Variants in ATL1 observed in about 807,000 individuals in gnomAD.
ATL1 encodes atlastin-1.
Under a neutral mutation model 75.5 loss-of-function variants are expected in ATL1, and 31 were observed. That is an observed-to-expected ratio of 0.41 (90% CI 0.31 to 0.55). ATL1 has a LOEUF of 0.55. Ranked by LOEUF, ATL1 falls within the 20% of genes least tolerant of loss-of-function variation. The pLI is 0.27. For missense variants in ATL1, 405 were observed against 662.6 expected (o/e 0.61, Z 4.27); for synonymous variants, 226 against 233.3 (o/e 0.97, Z 0.28).
chr14:50,560,725 AC>A lies in ATL1; in HGVS notation c.34+432del, dbSNP rs573424305. 9.4e-3 allele frequency among the ~76,000 whole-genome samples: 1,424 copies of A among 151,742 alleles called. 6 individuals carry two copies. Among genetic ancestry groups the A allele is most frequent in the Middle Eastern group, 0.017 (5 of 294 alleles). Reference sequence around the variant, plus strand: ...GGGATCTAGAGCAGGCCAAGCCCCAACCCCCCTCCCCGGGAGCCGCCAACTC... The same window carrying A: ...GGGATCTAGAGCAGGCCAAGCCCCAACCCCCTCCCCGGGAGCCGCCAACTC... On this transcript the variant is annotated intron_variant, in intron 1 of 13. Transcript: ENST00000358385.
At chr14:50,593,547 TGGAAG>T (rs1201982591) in intron 4 of ATL1, among the ~76,000 whole-genome samples, 1 of 152,224 alleles carries the variant, frequency 6.6e-6, no homozygotes, top group East Asian at 1.9e-4. Context: ...TTGTCTTGCT[TGGAAG>T]AATGAGTTTT....
intron 1 of ATL1, among the ~76,000 whole-genome samples, chr14:50,550,047 A>G (rs2140158475): frequency 6.6e-6 from 1 of 152,312 alleles, no homozygotes; most frequent in South Asian, 2.1e-4. Flanking sequence ...TTCAGGTTTT[A>G]TGATGCTGGA....
intron 1 of ATL1, among the ~76,000 whole-genome samples, chr14:50,541,786 C>T (rs1472810081): frequency 6.6e-6 from 1 of 151,500 alleles, no homozygotes; most frequent in Non-Finnish European, 1.5e-5. Context: ...TTAGGGAGGC[C>T]GAGGCAGGAG....
At chr14:50,585,348 G>T (rs897797586) in intron 1 of ATL1, among the ~76,000 whole-genome samples, 1 of 152,164 alleles carries the variant, frequency 6.6e-6, no homozygotes, top group African/African-American at 2.4e-5. Context: ...TCTATAGAAA[G>T]TTATGATCTA....
chr14:50,618,617 A>G (rs975727715), intron 8 of ATL1, among the ~76,000 whole-genome samples: 2 of 152,170 alleles, frequency 1.3e-5, no homozygotes, highest in Admixed American at 6.5e-5. Context: ...TAGTATTTCA[A>G]TGTAGCCCCA....
At chr14:50,580,243 A>G (rs1408662297) in intron 1 of ATL1, among the ~76,000 whole-genome samples, 1 of 152,204 alleles carries the variant, frequency 6.6e-6, no homozygotes. Flanking sequence ...TGCTATAAAC[A>G]TATTTGTGCA....
chr14:50,589,657 C>T (rs1289387717), intron 2 of ATL1, among the ~76,000 whole-genome samples: 6 of 151,928 alleles, frequency 3.9e-5, no homozygotes, highest in Non-Finnish European at 1.5e-5. Context: ...ACCTTCTTCC[C>T]TAGAGTGGAA....
chr14:50,621,403 G>A (rs1595620036), intron 9 of ATL1, among the ~76,000 whole-genome samples: 2 of 152,284 alleles, frequency 1.3e-5, no homozygotes. Context: ...AGCAATAAAT[G>A]CCATGTTATT....
chr14:50,595,013 CAAAAAAGAAAA>C (rs1283266730), intron 5 of ATL1, among the ~76,000 whole-genome samples: 31 of 126,774 alleles, frequency 2.4e-4, no homozygotes, highest in Admixed American at 4.6e-4. Context: ...AAAAAAAAAA[CAAAAAAGAAAA>C]AAAAAAGAAA....
intron 1 of ATL1, among the ~76,000 whole-genome samples, chr14:50,586,465 A>G (rs913883247): frequency 3.9e-5 from 6 of 152,130 alleles, no homozygotes; most frequent in Non-Finnish European, 8.8e-5. Context: ...TAACTCTATG[A>G]TGGGAGACCC....
chr14:50,562,715 G>T (rs1211302002), intron 1 of ATL1, among the ~76,000 whole-genome samples: 1 of 152,182 alleles, frequency 6.6e-6, no homozygotes, highest in Non-Finnish European at 1.5e-5. Flanking sequence ...AGAAAAGAAA[G>T]AGTGGAATTC....
At chr14:50,586,845 T>G (rs1360389014) in intron 1 of ATL1, among the ~76,000 whole-genome samples, 1 of 152,164 alleles carries the variant, frequency 6.6e-6, no homozygotes, top group Non-Finnish European at 1.5e-5. Context: ...TCTTGGGAAA[T>G]TTAATTAGAT....
upstream of ATL1, among the ~76,000 whole-genome samples, chr14:50,555,804 G>A (rs766938935): frequency 6.6e-6 from 1 of 152,114 alleles, no homozygotes; most frequent in Non-Finnish European, 1.5e-5. Flanking sequence ...GAAAGTAAAT[G>A]TCATTTTTTG....
intron 1 of ATL1, among the ~76,000 whole-genome samples, chr14:50,562,313 G>A (rs1645380674): frequency 6.6e-6 from 1 of 152,144 alleles, no homozygotes; most frequent in African/African-American, 2.4e-5. Context: ...CAAAGTGCTG[G>A]GATTACAGGA....
At chr14:50,570,754 ACTTT>A (rs1173075286) in intron 1 of ATL1, among the ~76,000 whole-genome samples, 1 of 152,074 alleles carries the variant, frequency 6.6e-6, no homozygotes, top group African/African-American at 2.4e-5. Flanking sequence ...AATGGCCAGT[ACTTT>A]CTTCTTTCTT....
chr14:50,576,305 A>G (rs1488267895), intron 1 of ATL1, among the ~76,000 whole-genome samples: 2 of 152,134 alleles, frequency 1.3e-5, no homozygotes, highest in East Asian at 1.9e-4. Context: ...TTTTCAACGT[A>G]TGATGGTTTT....
At position 50,628,179 on chromosome 14, in the gene ATL1, G is replaced by A. The variant is rs760583854; in HGVS notation, c.1268G>A (p.Ser423Asn). ...FSRRYLQQLE[S>N]EIDELYIQYI... ...CGGCGTTACCTGCAGCAGTTGGAGA[G>A]TGAAATAGATGAACTTTACATCCAA... Residue 423 changes from serine (S) to asparagine (N), a missense_variant, in exon 12 of 14, where the codon AGT becomes AAT. This residue lies in a region of ATL1 where 163 missense variants were observed against 244.1 expected (regional missense o/e 0.67). Transcript: ENST00000358385. 3 of 1,614,032 alleles carry A rather than the reference G, an allele frequency of 1.9e-6. No individual in the cohort carries two copies. Among genetic ancestry groups the A allele is most frequent in the African/African-American group, 1.3e-5 (1 of 74,896 alleles).
chr14:50,628,713 CTTTTT>C lies in ATL1; in HGVS notation c.1551+255_1551+259del, dbSNP rs977551749. On this transcript the variant is annotated intron_variant, in intron 12 of 13. Transcript: ENST00000358385. The stretch of plus-strand genomic sequence containing the variant: ...ATACATCAGTTTAGTAGTATATATA[CTTTTT>C]TTTCTTTTTTTGGGTAGGGGGGCAG... The C allele has an allele frequency of 5.5e-6, 3 of 548,908 alleles. No homozygotes were observed. The African/African-American group carries it at 5.7e-5, about 10-fold the overall frequency. The allele number at this position is 548,908 out of a possible 1,614,324, so 34.0% of individuals were successfully genotyped here.
At chr14:50,609,585 A>G (rs554646421) in intron 6 of ATL1, among the ~76,000 whole-genome samples, 32 of 152,158 alleles carry the variant, frequency 2.1e-4, no homozygotes, top group African/African-American at 7.5e-4. Flanking sequence ...GATATAATAT[A>G]GACATTCAGT....
Sources: gnomAD v4.1 joint callset for allele counts (sites outside exome capture counted in the v4.1 genomes callset) on GRCh38, gnomAD v4.1.1 for gene constraint, gnomAD v4.1.1 regional missense constraint, MANE v1.5 for transcripts, NCBI Gene and HGNC (gene_info 2026-07-23, HGNC 2026-07-21) for gene names.